STXBP5L: variants seen among roughly 807,000 people sequenced by gnomAD.
STXBP5L encodes the protein syntaxin binding protein 5L.
STXBP5L carries 65 observed loss-of-function variants against 144.5 expected under a neutral mutation model. That is an observed-to-expected ratio of 0.45 (90% CI 0.37 to 0.55). The LOEUF is 0.55. STXBP5L is among the 20% of genes least tolerant of loss of function. The pLI, the probability that STXBP5L is intolerant of heterozygous loss-of-function variation, is 0.00. For synonymous variants in STXBP5L, 505 were observed against 469.6 expected (o/e 1.08, Z -0.97); for missense variants, 1,298 against 1,405.5 (o/e 0.92, Z 1.22).
intron 14 of STXBP5L, 68 bp from the exon 15 acceptor site, chr3:121,250,655 G>T: frequency 7.6e-7 from 1 of 1,317,158 alleles, no homozygotes; most frequent in Non-Finnish European, 1.1e-6. Flanking sequence ...TCAAGTTTCT[G>T]TACATTTGGA....
chr3:121,064,948 A>G (rs540852517), intron 5 of STXBP5L, among the ~76,000 whole-genome samples: 6 of 152,184 alleles, frequency 3.9e-5, no homozygotes, highest in African/African-American at 1.4e-4. Context: ...GTTTATGTCT[A>G]TGTGTGCTCA....
At chr3:121,050,452 T>C (rs1947880498) in intron 5 of STXBP5L, among the ~76,000 whole-genome samples, 1 of 152,134 alleles carries the variant, frequency 6.6e-6, no homozygotes, top group Non-Finnish European at 1.5e-5. Context: ...AGAAAAGAAT[T>C]TTCAACCCAG....
chr3:121,006,970 G>C (rs1236178683), intron 3 of STXBP5L, among the ~76,000 whole-genome samples: 1 of 152,022 alleles, frequency 6.6e-6, no homozygotes, highest in Non-Finnish European at 1.5e-5. Context: ...TTTGTCTCTG[G>C]CTACCCTTAA....
At chr3:121,115,406 A>G (rs1334178725) in intron 6 of STXBP5L, among the ~76,000 whole-genome samples, 3 of 152,178 alleles carry the variant, frequency 2.0e-5, no homozygotes, top group Non-Finnish European at 2.9e-5. Flanking sequence ...AATAATCATG[A>G]TCACTGCATA....
At chr3:121,023,449 C>A (rs777633704) in intron 3 of STXBP5L, among the ~76,000 whole-genome samples, 1 of 152,008 alleles carries the variant, frequency 6.6e-6, no homozygotes, top group African/African-American at 2.4e-5. Flanking sequence ...CAAGACAAAG[C>A]AAAAAGAACA....
chr3:120,963,281 T>G (rs960850978), intron 3 of STXBP5L, among the ~76,000 whole-genome samples: 1 of 152,218 alleles, frequency 6.6e-6, no homozygotes. Flanking sequence ...TTCTCTTGTT[T>G]GATTGCCCTG....
intron 9 of STXBP5L, among the ~76,000 whole-genome samples, chr3:121,172,912 A>C (rs1328651571): frequency 6.6e-6 from 1 of 152,202 alleles, no homozygotes; most frequent in Non-Finnish European, 1.5e-5. Context: ...TCACAATAGC[A>C]AATACTTGGA....
intron 9 of STXBP5L, among the ~76,000 whole-genome samples, chr3:121,204,717 G>A (rs542791427): frequency 6.8e-6 from 1 of 147,522 alleles, no homozygotes; most frequent in African/African-American, 2.4e-5. Context: ...GAATAAATAA[G>A]GGTACTTACT....
At chr3:121,230,501 T>G (rs1264598191) in intron 11 of STXBP5L, among the ~76,000 whole-genome samples, 3 of 149,840 alleles carry the variant, frequency 2.0e-5, no homozygotes, top group African/African-American at 4.9e-5. Context: ...AGTAATGACC[T>G]TAAAGTCAAA....
chr3:121,335,809 A>G (rs2044485297), intron 20 of STXBP5L, among the ~76,000 whole-genome samples: 1 of 152,204 alleles, frequency 6.6e-6, no homozygotes, highest in South Asian at 2.1e-4. Flanking sequence ...CCAAAACTAT[A>G]AAAACCCTGG....
chr3:121,180,490 C>T (rs2047098277), intron 9 of STXBP5L, among the ~76,000 whole-genome samples: 1 of 152,160 alleles, frequency 6.6e-6, no homozygotes, highest in African/African-American at 2.4e-5. Flanking sequence ...ACTCCTTAAA[C>T]CGTGAAGCTC....
At chr3:121,231,310 C>T (rs779581170) in intron 11 of STXBP5L, among the ~76,000 whole-genome samples, 3 of 152,184 alleles carry the variant, frequency 2.0e-5, no homozygotes. Context: ...TTGCTTTTGC[C>T]CTTCCTGGAC....
At chr3:121,322,476 CA>C (rs5852266) in intron 20 of STXBP5L, among the ~76,000 whole-genome samples, 24,415 of 128,284 alleles carry the variant, frequency 0.19, 2,041 homozygotes, top group Middle Eastern at 0.21. Context: ...GAAACTGTGC[CA>C]AAAAAAAAAA....
intron 5 of STXBP5L, among the ~76,000 whole-genome samples, chr3:121,064,857 A>G (rs2041468092): frequency 1.3e-5 from 2 of 152,164 alleles, no homozygotes; most frequent in African/African-American, 2.4e-5. Context: ...TGAGCATAGT[A>G]CCAAATAGGT....
chr3:121,203,048 A>G (rs2048198201), intron 9 of STXBP5L, among the ~76,000 whole-genome samples: 1 of 148,390 alleles, frequency 6.7e-6, no homozygotes, highest in Non-Finnish European at 1.5e-5. Flanking sequence ...GAGATTGTTC[A>G]TACTCCTTCA....
At chr3:121,014,880 TAATA>T (rs897454446) in intron 3 of STXBP5L, among the ~76,000 whole-genome samples, 2 of 152,150 alleles carry the variant, frequency 1.3e-5, no homozygotes, top group East Asian at 1.9e-4. Flanking sequence ...GTGATATGAG[TAATA>T]AATTGAAAAA....
chr3:121,055,741 C>A (rs941731365), intron 5 of STXBP5L, among the ~76,000 whole-genome samples: 1 of 151,962 alleles, frequency 6.6e-6, no homozygotes, highest in African/African-American at 2.4e-5. Context: ...CACTCTGTCA[C>A]CTAAGCTGGA....
intron 5 of STXBP5L, among the ~76,000 whole-genome samples, chr3:121,103,819 A>T (rs532530636): frequency 6.6e-6 from 1 of 152,302 alleles, no homozygotes; most frequent in African/African-American, 2.4e-5. Context: ...TTATTTTAAG[A>T]ACAGATAAAG....
At chr3:120,918,041 G>A (rs1709188738) in intron 2 of STXBP5L, among the ~76,000 whole-genome samples, 1 of 152,136 alleles carries the variant, frequency 6.6e-6, no homozygotes, top group Non-Finnish European at 1.5e-5. Flanking sequence ...TTGTTTTCTT[G>A]ACTCTTGCAG....
Sources: gnomAD v4.1 joint callset for allele counts (sites outside exome capture counted in the v4.1 genomes callset) on GRCh38, gnomAD v4.1.1 for gene constraint, MANE v1.5 for transcripts, NCBI Gene and HGNC (gene_info 2026-07-23, HGNC 2026-07-21) for gene names.